SBF2: variants seen among roughly 807,000 people sequenced by gnomAD.
SBF2 encodes myotubularin-related protein 13.
Under a neutral mutation model 225.2 loss-of-function variants are expected in SBF2, and 112 were observed. The observed-to-expected ratio is 0.50, with a 90% confidence interval of 0.43 to 0.58. SBF2 has a LOEUF of 0.58. SBF2 is among the 20% of genes least tolerant of loss of function. The pLI is 0.00. For missense variants in SBF2, 1,996 were observed against 2,206.2 expected (o/e 0.90, Z 1.91); for synonymous variants, 763 against 773.3 (o/e 0.99, Z 0.22).
rs184093238 is a variant in SBF2, at chr11:9,804,346, C to T, written c.4443+3654G>A. Among the ~76,000 whole-genome samples the T allele has an allele frequency of 1.4e-3, 209 of 152,284 alleles. 1 individual carries two copies. Among genetic ancestry groups the T allele is most frequent in the Admixed American group, 3.5e-3 (53 of 15,306 alleles). The stretch of plus-strand genomic sequence containing the variant: ...TCTGGGCCCCAGACAAATTCTTCTC[C>T]GTAGAAACAAGGTAGCTGCTGTTTT... On this transcript the variant is annotated intron_variant, in intron 32 of 39. Coordinates refer to ENST00000256190, the MANE Select transcript of SBF2 (RefSeq NM_030962.4).
intron 1 of SBF2, among the ~76,000 whole-genome samples, chr11:10,196,866 A>ATATATATATTTTTTTT: frequency 8.1e-5 from 8 of 99,312 alleles, no homozygotes; most frequent in African/African-American, 1.6e-4. Context: ...ATATATATAT[A>ATATATATATTTTTTTT]TTTTTTTTTT....
chr11:9,863,816 G>C (rs1857965198), intron 17 of SBF2, among the ~76,000 whole-genome samples: 1 of 149,004 alleles, frequency 6.7e-6, no homozygotes. Context: ...TACTTCTCCT[G>C]ATTCTATTTC....
chr11:10,040,207 G>A (rs757076725), intron 3 of SBF2, among the ~76,000 whole-genome samples: 43 of 151,914 alleles, frequency 2.8e-4, no homozygotes, highest in Non-Finnish European at 3.8e-4. Context: ...CATAAAAATC[G>A]CCACTATGAA....
intron 1 of SBF2, among the ~76,000 whole-genome samples, chr11:10,214,713 G>A (rs1958065502): frequency 6.6e-6 from 1 of 152,108 alleles, no homozygotes; most frequent in African/African-American, 2.4e-5. Flanking sequence ...GCAAAGCTTT[G>A]CCTTCAACAG....
At chr11:9,813,606 G>A (rs186885515) in intron 29 of SBF2, among the ~76,000 whole-genome samples, 10 of 152,240 alleles carry the variant, frequency 6.6e-5, no homozygotes, top group East Asian at 1.9e-4. Flanking sequence ...GATTACAGGC[G>A]TGAGCCACCA....
At chr11:10,025,303 G>T (rs1949010147) in intron 6 of SBF2, among the ~76,000 whole-genome samples, 1 of 152,060 alleles carries the variant, frequency 6.6e-6, no homozygotes. Context: ...AATTCCCGAG[G>T]GAGCCAGTCT....
chr11:10,219,681 T>C (rs1205350827), intron 1 of SBF2, among the ~76,000 whole-genome samples: 2 of 152,224 alleles, frequency 1.3e-5, no homozygotes, highest in Non-Finnish European at 2.9e-5. Flanking sequence ...TTCCACCGGA[T>C]ACCCTAAATC....
chr11:10,138,849 A>G (rs1488835045), intron 2 of SBF2, among the ~76,000 whole-genome samples: 1 of 152,108 alleles, frequency 6.6e-6, no homozygotes, highest in Non-Finnish European at 1.5e-5. Context: ...GGTTCAGACT[A>G]TGGTCTGTCT....
chr11:9,841,772 G>A (rs1001417653), intron 25 of SBF2, among the ~76,000 whole-genome samples: 4 of 152,140 alleles, frequency 2.6e-5, no homozygotes, highest in African/African-American at 9.7e-5. Context: ...GGCCTCAAGT[G>A]ATCTGCCTGC....
chr11:10,142,848 G>T (rs1165669722), intron 2 of SBF2, among the ~76,000 whole-genome samples: 2 of 152,128 alleles, frequency 1.3e-5, no homozygotes, highest in Non-Finnish European at 2.9e-5. Context: ...TTCAAACTCA[G>T]AATTTATTTT....
intron 2 of SBF2, among the ~76,000 whole-genome samples, chr11:10,193,351 CTT>C (rs60903141): frequency 3.3e-4 from 37 of 110,492 alleles, no homozygotes; most frequent in African/African-American, 8.1e-4. Flanking sequence ...TCAATTTCAT[CTT>C]TTTTTTTTTT....
rs1452716966 is a variant in SBF2, at chr11:9,989,660, A to G, written c.1297-65T>C. The G allele has an allele frequency of 9.5e-6, 9 of 952,170 alleles. No individual in the cohort carries two copies. In the African/African-American group the frequency reaches 1.5e-4, roughly 16 times the overall value. The allele number at this position is 952,170 out of a possible 1,614,324, so 59.0% of individuals were successfully genotyped here. A position where few individuals can be genotyped will look rare whatever the true frequency, so the allele number is the denominator to read the frequency against. On this transcript the variant is annotated intron_variant, in intron 12 of 39. Transcript: ENST00000256190. ...ATATGCCAAATTCAAAAACTGTGAT[A>G]ATTTCATACAATTTGCAAGCCAAAA...
chr11:9,994,856 G>C (rs1207580986), intron 9 of SBF2, among the ~76,000 whole-genome samples: 1 of 151,990 alleles, frequency 6.6e-6, no homozygotes, highest in African/African-American at 2.4e-5. Flanking sequence ...GGCCAACATG[G>C]TAAAACCCTG....
At chr11:10,233,252 A>C (rs891079543) in intron 1 of SBF2, among the ~76,000 whole-genome samples, 3 of 152,146 alleles carry the variant, frequency 2.0e-5, no homozygotes, top group Admixed American at 6.5e-5. Context: ...CATTTCTATC[A>C]ATTCTTTCCA....
intron 1 of SBF2, among the ~76,000 whole-genome samples, chr11:10,223,873 G>C (rs190897441): frequency 7.9e-5 from 12 of 152,124 alleles, no homozygotes; most frequent in Admixed American, 7.9e-4. Context: ...CGCAAGACTT[G>C]AGCTCACCAC....
intron 14 of SBF2, among the ~76,000 whole-genome samples, chr11:9,967,731 C>T (rs1867020640): frequency 6.6e-6 from 1 of 152,110 alleles, no homozygotes. Flanking sequence ...GCCTGACTAA[C>T]ATGGAGAAAC....
At chr11:10,187,545 A>T (rs1956980278) in intron 2 of SBF2, among the ~76,000 whole-genome samples, 1 of 152,048 alleles carries the variant, frequency 6.6e-6, no homozygotes, top group African/African-American at 2.4e-5. Flanking sequence ...TGGGACATTT[A>T]AAAGAAGAAT....
chr11:10,226,635 C>T (rs945614710), intron 1 of SBF2, among the ~76,000 whole-genome samples: 16 of 152,290 alleles, frequency 1.1e-4, no homozygotes, highest in African/African-American at 3.9e-4. Context: ...TAGCTTCATC[C>T]ATGTCCCTAC....
intron 2 of SBF2, among the ~76,000 whole-genome samples, chr11:10,191,478 C>G (rs961307489): frequency 2.0e-5 from 3 of 152,096 alleles, no homozygotes; most frequent in Admixed American, 1.3e-4. Flanking sequence ...TACTTGACAA[C>G]ACCATAGACA....
Sources: gnomAD v4.1 joint callset for allele counts (sites outside exome capture counted in the v4.1 genomes callset) on GRCh38, gnomAD v4.1.1 for gene constraint, MANE v1.5 for transcripts, NCBI Gene and HGNC (gene_info 2026-07-23, HGNC 2026-07-21) for gene names.